CDC14A: variants seen among roughly 807,000 people sequenced by gnomAD.
CDC14A encodes cell division cycle 14A.
Under a neutral mutation model 74.4 loss-of-function variants are expected in CDC14A, and 53 were observed. That is an observed-to-expected ratio of 0.71 (90% CI 0.57 to 0.89). CDC14A has a LOEUF of 0.89. Ranked by LOEUF, CDC14A falls within the 40% of genes least tolerant of loss-of-function variation. The pLI, the probability that CDC14A is intolerant of heterozygous loss-of-function variation, is 0.00. For synonymous variants in CDC14A, 247 were observed against 258.4 expected (o/e 0.96, Z 0.43); for missense variants, 646 against 713.7 (o/e 0.91, Z 1.08).
chr1:100,503,680 G>A (rs1204670215), intron 15 of CDC14A, among the ~76,000 whole-genome samples: 2 of 152,162 alleles, frequency 1.3e-5, no homozygotes, highest in African/African-American at 4.8e-5. Flanking sequence ...CTACTGCCCT[G>A]TGCAATGCAC....
chr1:100,466,202 TGA>T (rs3835648), intron 9 of CDC14A, among the ~76,000 whole-genome samples: 9,779 of 152,120 alleles, frequency 0.064, 857 homozygotes, highest in African/African-American at 0.2. Context: ...TGGGGAGCAG[TGA>T]GAGAGAGTGT....
At chr1:100,372,309 G>A (rs1010277664) in intron 2 of CDC14A, among the ~76,000 whole-genome samples, 1 of 152,138 alleles carries the variant, frequency 6.6e-6, no homozygotes, top group African/African-American at 2.4e-5. Flanking sequence ...AGTGAAATTT[G>A]CCATATTGAT....
intron 2 of CDC14A, among the ~76,000 whole-genome samples, chr1:100,368,509 T>C (rs957983954): frequency 6.6e-6 from 1 of 152,248 alleles, no homozygotes; most frequent in African/African-American, 2.4e-5. Context: ...TTAGAAATTG[T>C]ACATCTTTGA....
At chr1:100,345,327 TA>T (rs1445076444) in intron 1 of CDC14A, 1 of 152,072 alleles carries the variant, frequency 6.6e-6, no homozygotes, top group African/African-American at 2.4e-5. Flanking sequence ...TTAATATTAA[TA>T]ATATTTGTAT....
chr1:100,369,262 C>A lies in CDC14A; in HGVS notation c.141-8284C>A, dbSNP rs558582029. Among the ~76,000 whole-genome samples the A allele has an allele frequency of 5.3e-5, 8 of 152,246 alleles. No homozygotes were observed. In the South Asian group the frequency reaches 1.7e-3, roughly 32 times the overall value. Reference sequence around the variant, plus strand: ...TAGCTGTGACTACAGGCATGTGCCACCACGCCCAGCTAATTTTTGTATTTT... The same window carrying A: ...TAGCTGTGACTACAGGCATGTGCCAACACGCCCAGCTAATTTTTGTATTTT... On this transcript the variant is annotated intron_variant, in intron 2 of 15. Coordinates refer to ENST00000336454, the MANE Select transcript of CDC14A (RefSeq NM_003672.4).
chr1:100,438,035 A>T (rs1664537825), intron 5 of CDC14A, among the ~76,000 whole-genome samples: 1 of 152,162 alleles, frequency 6.6e-6, no homozygotes. Flanking sequence ...TATCAATTAT[A>T]AAGTTACATC....
chr1:100,375,529 C>T (rs1248954410), intron 2 of CDC14A, among the ~76,000 whole-genome samples: 3 of 151,894 alleles, frequency 2.0e-5, no homozygotes, highest in African/African-American at 7.3e-5. Context: ...TTTATGCAGC[C>T]AACAGACACA....
In CDC14A at chr1:100,439,943, T is replaced by C. The variant is rs889573985; in HGVS notation, c.401T>C (p.Phe134Ser). 1 of 1,611,966 alleles carries C rather than the reference T, an allele frequency of 6.2e-7. No homozygotes were observed. Among genetic ancestry groups the C allele is most frequent in the African/African-American group, 1.3e-5 (1 of 74,882 alleles). ...PPYLPFRDAS[F>S]GNCTYNLTIL... Reference sequence around the variant, plus strand: ...ATTTATGTTTATAGGGATGCTTCCTTTGGAAATTGCACTTACAATCTCACC... The same window carrying C: ...ATTTATGTTTATAGGGATGCTTCCTCTGGAAATTGCACTTACAATCTCACC... Residue 134 changes from phenylalanine to serine, a missense_variant, in exon 6 of 16, where the codon TTT becomes TCT. Physicochemically the swap from Phe to Ser is radical, Grantham distance 155 (BLOSUM62 -2). Transcript: ENST00000336454.
At chr1:100,380,431 G>A (rs1256624446) in intron 3 of CDC14A, among the ~76,000 whole-genome samples, 2 of 152,176 alleles carry the variant, frequency 1.3e-5, no homozygotes, top group Non-Finnish European at 2.9e-5. Context: ...ACCTGACCTT[G>A]TTGTCCCACG....
chr1:100,466,851 C>CA (rs1157804742), intron 9 of CDC14A, among the ~76,000 whole-genome samples: 1 of 117,718 alleles, frequency 8.5e-6, no homozygotes, highest in Non-Finnish European at 1.6e-5. Flanking sequence ...GCCTGGGCAA[C>CA]AGCAGCAAAA....
At chr1:100,443,984 AGCCCTCACATTTGGG>A (rs1407293466) in intron 7 of CDC14A, among the ~76,000 whole-genome samples, 1 of 152,242 alleles carries the variant, frequency 6.6e-6, no homozygotes, top group Non-Finnish European at 1.5e-5. Flanking sequence ...AGATAAGGAC[AGCCCTCACATTTGGG>A]GCCCTAGTCT....
chr1:100,424,158 T>G (rs1037121461), intron 4 of CDC14A, 64 bp from the exon 5 acceptor site: 1 of 1,211,968 alleles, frequency 8.3e-7, no homozygotes, highest in Non-Finnish European at 1.2e-6. Flanking sequence ...AAATGCAAAT[T>G]TGGTGAGTAA....
chr1:100,508,269 C>CT lies in CDC14A; in HGVS notation c.1755+9012dup, dbSNP rs1321357134. On this transcript the variant is annotated intron_variant, in intron 15 of 15. Coordinates refer to ENST00000336454, the MANE Select transcript of CDC14A (RefSeq NM_003672.4). This position sits in a 1 kb window ranked among gnomAD's most constrained non-coding sequence, Gnocchi z 4.4. ...TGTTTTTGTTTTATGGCTTCTTATT[C>CT]TTTTTATATGTGTGTGTATATATAT... 6.6e-6 allele frequency among the ~76,000 whole-genome samples: 1 copy of CT among 150,892 alleles called. No homozygotes were observed. The highest frequency in any genetic ancestry group is 1.5e-5 in the Non-Finnish European group (1 of 67,742).
At chr1:100,451,282 G>A (rs1047478245) in intron 7 of CDC14A, among the ~76,000 whole-genome samples, 3 of 152,168 alleles carry the variant, frequency 2.0e-5, no homozygotes, top group Admixed American at 2.0e-4. Flanking sequence ...CACTGATCTG[G>A]ACTTTTGGAA....
At chr1:100,484,510 A>T in intron 11 of CDC14A, 59 bp downstream of exon 11, 1 of 1,531,080 alleles carries the variant, frequency 6.5e-7, no homozygotes, top group South Asian at 1.3e-5. Context: ...TTTGTTTCTC[A>T]GTTGGACCTA....
intron 3 of CDC14A, among the ~76,000 whole-genome samples, chr1:100,379,655 T>C (rs2100954791): frequency 6.6e-6 from 1 of 152,354 alleles, no homozygotes; most frequent in South Asian, 2.1e-4. Context: ...TGTCTTAGTC[T>C]GTTTTGCATT....
intron 8 of CDC14A, among the ~76,000 whole-genome samples, chr1:100,455,722 T>A (rs1666617991): frequency 6.6e-6 from 1 of 152,226 alleles, no homozygotes; most frequent in South Asian, 2.1e-4. Flanking sequence ...ATAAATAGGA[T>A]GTTCACTTTA....
At chr1:100,346,525 T>C (rs1650441597) in intron 1 of CDC14A, among the ~76,000 whole-genome samples, 1 of 151,650 alleles carries the variant, frequency 6.6e-6, no homozygotes, top group South Asian at 2.1e-4. Flanking sequence ...TCAGCTACTC[T>C]GGAGCCTGAG....
chr1:100,382,491 G>A (rs1222273324), intron 3 of CDC14A, among the ~76,000 whole-genome samples: 2 of 150,236 alleles, frequency 1.3e-5, no homozygotes, highest in African/African-American at 4.9e-5. Context: ...TCCCGCCTGA[G>A]CCTCCCAAAG....
Sources: gnomAD v4.1 joint callset for allele counts (sites outside exome capture counted in the v4.1 genomes callset) on GRCh38, gnomAD v4.1.1 for gene constraint, Gnocchi (gnomAD v3.1) non-coding constraint, MANE v1.5 for transcripts, NCBI Gene and HGNC (gene_info 2026-07-23, HGNC 2026-07-21) for gene names.